The following ARMH1 variants were observed in gnomAD, a reference collection of about 807,000 sequenced individuals.
ARMH1 encodes armadillo-like helical domain containing protein 1.
Under a neutral mutation model 50.2 loss-of-function variants are expected in ARMH1, and 34 were observed. That is an observed-to-expected ratio of 0.68 (90% CI 0.51 to 0.90). The LOEUF (loss-of-function observed/expected upper bound fraction) is 0.90, where lower values mean the gene tolerates loss of function less well. ARMH1 is among the 40% of genes least tolerant of loss of function. The pLI is 0.00. For missense variants in ARMH1, 538 were observed against 553.9 expected (o/e 0.97, Z 0.29); for synonymous variants, 221 against 224.2 (o/e 0.99, Z 0.13).
At chr1:44,703,560 T>TAAAAA (rs1186744272) in intron 5 of ARMH1, among the ~76,000 whole-genome samples, 164 of 107,004 alleles carry the variant, frequency 1.5e-3, no homozygotes, top group Middle Eastern at 0.01. Context: ...CCGTCTCTAC[T>TAAAAA]AAAAAAAAAA....
rs746691020 is a variant in ARMH1, at chr1:44,698,194, G to T, written c.407G>T (p.Gly136Val). Residue 136 changes from glycine to valine, a missense_variant, in exon 4 of 12, where the codon GGC (glycine) becomes GTC (valine). Transcript: ENST00000535358. ...VKLLQVIANS[G>V]RTYKELICES... ...CTACTTCAGGTTATTGCGAACTCTG[G>T]CAGGACATACAAGGAACTCATTTGT... The T allele has an allele frequency of 1.7e-5, 27 of 1,552,142 alleles. No individual in the cohort carries two copies. The highest frequency in any genetic ancestry group is 9.8e-5 in the Admixed American group (5 of 50,976).
At position 44,697,143 on chromosome 1, in the gene ARMH1, T is replaced by C; in HGVS notation, c.248T>C (p.Ile83Thr). The change falls in exon 3 of 12, where the codon ATT becomes ACT. Residue 83 changes from isoleucine to threonine, a missense_variant. Coordinates refer to ENST00000535358, the MANE Select transcript of ARMH1 (RefSeq NM_001145636.2). The part of the protein sequence containing the change: ...DSCLEKLLRS[I>T]GIFLSAVSSN... ...TGTTTAGAAAAGCTTCTCAGGTCCA[T>C]TGGCATCTTCTTATCAGCTGTAAGC... 6.4e-7 allele frequency: 1 copy of C among 1,552,188 alleles called. No individual in the cohort carries two copies. Among genetic ancestry groups the C allele is most frequent in the Non-Finnish European group, 8.7e-7 (1 of 1,146,992 alleles).
rs1251743319 is a variant in ARMH1, at chr1:44,721,448, TAGAA to T, written c.725-2670_725-2667del. 2.6e-5 allele frequency among the ~76,000 whole-genome samples: 4 copies of T among 152,066 alleles called. No individual in the cohort carries two copies. The South Asian group carries it at 6.2e-4, about 24-fold the overall frequency. On this transcript the variant is annotated intron_variant, in intron 6 of 11. Coordinates refer to ENST00000535358, the MANE Select transcript of ARMH1 (RefSeq NM_001145636.2). ...TCACTATAAATTGGAACTAGCACAC[TAGAA>T]AGACTCACAAGACTTCAGCCAAATT...
At chr1:44,675,494 C>G (rs1306063987) in intron 1 of ARMH1, among the ~76,000 whole-genome samples, 1 of 152,002 alleles carries the variant, frequency 6.6e-6, no homozygotes, top group East Asian at 1.9e-4. Context: ...TTCATCTCTA[C>G]AAAATTAAAA....
intron 6 of ARMH1, among the ~76,000 whole-genome samples, chr1:44,706,793 G>A (rs1170827304): frequency 6.6e-6 from 1 of 152,084 alleles, no homozygotes; most frequent in Non-Finnish European, 1.5e-5. Context: ...AGTGGTACAG[G>A]GACCTAAGTA....
chr1:44,676,666 T>C (rs527792398), intron 1 of ARMH1, among the ~76,000 whole-genome samples: 2 of 152,316 alleles, frequency 1.3e-5, no homozygotes, highest in East Asian at 3.9e-4. Flanking sequence ...AAGGAAGTTG[T>C]TGGTGACCTT....
chr1:44,675,403 G>A (rs1391046235), intron 1 of ARMH1, among the ~76,000 whole-genome samples: 2 of 152,152 alleles, frequency 1.3e-5, no homozygotes, highest in Non-Finnish European at 2.9e-5. Context: ...GCTCAAACTC[G>A]TAATCCCAGC....
intron 6 of ARMH1, among the ~76,000 whole-genome samples, chr1:44,709,479 T>TG (rs778523743): frequency 6.6e-6 from 1 of 152,146 alleles, no homozygotes; most frequent in Non-Finnish European, 1.5e-5. Flanking sequence ...GAGACCATCC[T>TG]GGCTAACACG....
At chr1:44,677,326 G>T (rs1178152946) in intron 1 of ARMH1, among the ~76,000 whole-genome samples, 1 of 152,226 alleles carries the variant, frequency 6.6e-6, no homozygotes, top group Non-Finnish European at 1.5e-5. Flanking sequence ...ACAACATTCA[G>T]CCACCTAGTG....
At chr1:44,696,997 G>A in intron 2 of ARMH1, 105 bp from the exon 3 acceptor site, 1 of 771,656 alleles carries the variant, frequency 1.3e-6, no homozygotes, top group Admixed American at 2.1e-5. Context: ...GCACAGTTCA[G>A]CTACTTGGCC....
chr1:44,675,698 C>G (rs758254965), intron 1 of ARMH1, among the ~76,000 whole-genome samples: 3 of 149,948 alleles, frequency 2.0e-5, no homozygotes, highest in Non-Finnish European at 1.5e-5. Flanking sequence ...GGTGTCTCAC[C>G]CCTGTAATCC....
Position 44,685,511 on chromosome 1 carries a change from G to A in ARMH1, c.-22-4165G>A, listed in dbSNP as rs1462352312. Among the ~76,000 whole-genome samples, 5 of 152,054 alleles carry A rather than the reference G, an allele frequency of 3.3e-5. No homozygotes were observed. In the East Asian group the frequency reaches 9.6e-4, roughly 29 times the overall value. On this transcript the variant is annotated intron_variant, in intron 1 of 11. Transcript: ENST00000535358. Reference sequence around the variant, plus strand: ...GGGGTGAGGGGATGGAGGTCTCACTGTGTTGCCCAGGCTGGTCTCAAACTC... The same window carrying A: ...GGGGTGAGGGGATGGAGGTCTCACTATGTTGCCCAGGCTGGTCTCAAACTC...
chr1:44,724,802 G>C lies in ARMH1; in HGVS notation c.1091G>C (p.Arg364Pro). Residue 364 changes from arginine (R) to proline (P), a missense_variant, in exon 10 of 12, where the codon CGC (arginine) becomes CCC (proline). Physicochemically the swap from Arg to Pro is moderately radical, Grantham distance 103. Transcript: ENST00000535358. This position sits in a 1 kb window ranked among gnomAD's most constrained non-coding sequence, Gnocchi z 6.4. ...TTCCCCTTGGTGGCGGAGCACGTGCGCAAGTGCATGGGGGAGGAACTCTAC... is the reference window on the plus strand; with the variant it reads ...TTCCCCTTGGTGGCGGAGCACGTGCCCAAGTGCATGGGGGAGGAACTCTAC... ...QMFPLVAEHVRKCMGEELYQL... is the reference protein window; with the variant it reads ...QMFPLVAEHVPKCMGEELYQL... The C allele has an allele frequency of 6.5e-7, 1 of 1,543,440 alleles. No individual in the cohort carries two copies. Among genetic ancestry groups the C allele is most frequent in the Non-Finnish European group, 8.7e-7 (1 of 1,146,722 alleles).
At chr1:44,698,665 T>C (rs1315647445) in intron 4 of ARMH1, among the ~76,000 whole-genome samples, 1 of 149,028 alleles carries the variant, frequency 6.7e-6, no homozygotes, top group African/African-American at 2.5e-5. Flanking sequence ...ACAAAAAAAT[T>C]AGCCTGGTGC....
intron 6 of ARMH1, among the ~76,000 whole-genome samples, chr1:44,723,247 T>C (rs552689584): frequency 5.9e-5 from 9 of 152,286 alleles, no homozygotes; most frequent in Non-Finnish European, 1.3e-4. Flanking sequence ...CCACAGCACC[T>C]GTCACCATAT....
At chr1:44,705,812 G>A (rs1035546463) in intron 6 of ARMH1, among the ~76,000 whole-genome samples, 1 of 152,128 alleles carries the variant, frequency 6.6e-6, no homozygotes, top group Non-Finnish European at 1.5e-5. Context: ...TTCAACAGGA[G>A]GAGATTAAGG....
In ARMH1 at chr1:44,724,486, G is replaced by A. The variant is rs1428044909; in HGVS notation, c.921-53G>A. ...CGCTCCGTGCGCCGGGTGGGCGGGG[G>A]TGTGCGCCGGGTGAGCCCCAGGGCG... On this transcript the variant is annotated intron_variant, in intron 8 of 11. Coordinates refer to ENST00000535358, the MANE Select transcript of ARMH1 (RefSeq NM_001145636.2). The surrounding 1 kb of genome is among the most constrained non-coding windows in gnomAD (Gnocchi z 6.4). The A allele has an allele frequency of 1.1e-5, 16 of 1,513,278 alleles. No homozygotes were observed. The Admixed American group carries it at 2.9e-4, about 28-fold the overall frequency. 93.7% of individuals were successfully genotyped at this position (1,513,278 alleles called of 1,614,324 possible). A position where few individuals can be genotyped will look rare whatever the true frequency, so the allele number is the denominator to read the frequency against.
At position 44,702,979 on chromosome 1, in the gene ARMH1, C is replaced by G. The variant is rs1646159111; in HGVS notation, c.640-1110C>G. ...GGATGAATAGGGGATGAAGAAGTGG[C>G]TTCTCTTGGGAGGCTTAGATGTAAA... On this transcript the variant is annotated intron_variant, in intron 5 of 11. Transcript: ENST00000535358. Among the ~76,000 whole-genome samples the G allele has an allele frequency of 2.0e-5, 3 of 152,186 alleles. No homozygotes were observed. The South Asian group carries it at 6.2e-4, about 32-fold the overall frequency.
In ARMH1 at chr1:44,683,910, T is replaced by C. The variant is rs536971226; in HGVS notation, c.-22-5766T>C. 2.0e-5 allele frequency among the ~76,000 whole-genome samples: 3 copies of C among 152,218 alleles called. No individual in the cohort carries two copies. The highest frequency in any genetic ancestry group is 2.0e-4 in the Admixed American group (3 of 15,290). On this transcript the variant is annotated intron_variant, in intron 1 of 11. Coordinates refer to ENST00000535358, the MANE Select transcript of ARMH1 (RefSeq NM_001145636.2). The surrounding 1 kb of genome is among the most constrained non-coding windows in gnomAD (Gnocchi z 4.2). ...GCTCACACCTGTAATTCCAGCACTT[T>C]GGGAGGCCAAGGTGGGAAGATAGCT...
Sources: allele counts gnomAD v4.1 joint callset (sites outside exome capture counted in the v4.1 genomes callset), GRCh38; gene constraint gnomAD v4.1.1; non-coding constraint Gnocchi (gnomAD v3.1); transcripts MANE v1.5; gene names NCBI Gene and HGNC (gene_info 2026-07-23, HGNC 2026-07-21).